AIG1: variants seen among roughly 807,000 people sequenced by gnomAD.
The protein encoded by AIG1 is androgen induced 1.
AIG1 carries 23 observed loss-of-function variants against 31.4 expected under a neutral mutation model. The ratio of observed to expected loss-of-function variants is 0.73; its 90% CI spans 0.53 to 1.04. The LOEUF is 1.04. AIG1 is among the 50% of genes least tolerant of loss of function. The pLI is 0.00. For synonymous variants in AIG1, 100 were observed against 110.5 expected (o/e 0.90, Z 0.60); for missense variants, 274 against 295.0 (o/e 0.93, Z 0.52).
chr6:143,274,412 A>G (rs1373655520), intron 3 of AIG1, among the ~76,000 whole-genome samples: 1 of 152,230 alleles, frequency 6.6e-6, no homozygotes, highest in Non-Finnish European at 1.5e-5. Flanking sequence ...TGAGAATTAA[A>G]TGAGTTTTAT....
At chr6:143,141,503 A>C (rs1231787843) in intron 2 of AIG1, among the ~76,000 whole-genome samples, 1 of 152,240 alleles carries the variant, frequency 6.6e-6, no homozygotes, top group Non-Finnish European at 1.5e-5. Flanking sequence ...TTATTTCAGC[A>C]TAACCTAGAA....
At chr6:143,159,321 T>C (rs1384403110) in intron 2 of AIG1, among the ~76,000 whole-genome samples, 4 of 152,208 alleles carry the variant, frequency 2.6e-5, no homozygotes, top group Non-Finnish European at 5.9e-5. Flanking sequence ...TAGGCATTTG[T>C]AGGAGCTGGG....
intron 3 of AIG1, among the ~76,000 whole-genome samples, chr6:143,167,822 T>C (rs1021667294): frequency 6.6e-5 from 10 of 152,226 alleles, no homozygotes; most frequent in Non-Finnish European, 1.3e-4. Context: ...TCTTTCACAA[T>C]GAATTTTGTG....
At chr6:143,178,224 T>A (rs1359879256) in intron 3 of AIG1, among the ~76,000 whole-genome samples, 1 of 152,172 alleles carries the variant, frequency 6.6e-6, no homozygotes, top group Non-Finnish European at 1.5e-5. Flanking sequence ...ACAGCTGCTA[T>A]CATGACTCTG....
chr6:143,334,337 C>T lies in AIG1; in HGVS notation c.679+892C>T, dbSNP rs934551543. Among the ~76,000 whole-genome samples, 2 of 152,338 alleles carry T rather than the reference C, an allele frequency of 1.3e-5. No individual in the cohort carries two copies. The highest frequency in any genetic ancestry group is 6.5e-5 in the Admixed American group (1 of 15,300). ...TGTGACACAGACATTGAGCACCCTG[C>T]TTTGTGCCAGACACCCTGCCAGGAG... On this transcript the variant is annotated intron_variant, in intron 5 of 5. Coordinates refer to ENST00000357847, the MANE Select transcript of AIG1 (RefSeq NM_016108.4). This position sits in a 1 kb window ranked among gnomAD's most constrained non-coding sequence, Gnocchi z 5.1.
intron 3 of AIG1, among the ~76,000 whole-genome samples, chr6:143,229,790 A>AC (rs1793305144): frequency 6.6e-6 from 1 of 151,038 alleles, no homozygotes; most frequent in African/African-American, 2.4e-5. Context: ...AGAACAAAAA[A>AC]AAAAAAAAAA....
At chr6:143,138,969 C>A (rs1784017258) in intron 2 of AIG1, among the ~76,000 whole-genome samples, 2 of 150,902 alleles carry the variant, frequency 1.3e-5, no homozygotes, top group South Asian at 4.2e-4. Context: ...TATGTGATAT[C>A]AAATTATGTC....
intron 3 of AIG1, among the ~76,000 whole-genome samples, chr6:143,269,680 A>C (rs1426117572): frequency 3.3e-5 from 5 of 152,250 alleles, no homozygotes; most frequent in African/African-American, 1.2e-4. Context: ...ATACAGATGA[A>C]TATCACAAAT....
At chr6:143,114,016 C>T (rs1170221157) in intron 1 of AIG1, among the ~76,000 whole-genome samples, 8 of 152,108 alleles carry the variant, frequency 5.3e-5, no homozygotes, top group South Asian at 2.1e-4. Flanking sequence ...CCTCGTGATC[C>T]GCCTGCCTCG....
At chr6:143,278,541 T>C (rs1320779850) in intron 3 of AIG1, among the ~76,000 whole-genome samples, 3 of 151,410 alleles carry the variant, frequency 2.0e-5, no homozygotes, top group African/African-American at 7.3e-5. Context: ...TGATCTCGGC[T>C]CACTGCAACC....
chr6:143,255,327 C>T (rs185218064), intron 3 of AIG1, among the ~76,000 whole-genome samples: 69 of 152,312 alleles, frequency 4.5e-4, no homozygotes, highest in African/African-American at 1.4e-3. Flanking sequence ...TGTTTTCCCA[C>T]GTATCTGGAG....
chr6:143,082,987 A>G (rs1180226879), intron 1 of AIG1, among the ~76,000 whole-genome samples: 1 of 152,186 alleles, frequency 6.6e-6, no homozygotes, highest in African/African-American at 2.4e-5. Context: ...CTATTTTGCC[A>G]TACCTGTTAA....
rs1004114843 is a variant in AIG1, at chr6:143,338,883, G to T, written c.680-756G>T. ...TTGGTATGATTCAAAAAATGTTTAG[G>T]TACAAGAAAAAGAAAAAAGCAAGAA... is the stretch of plus-strand genomic sequence containing the variant. On this transcript the variant is annotated intron_variant, in intron 5 of 5. Transcript: ENST00000357847. The surrounding 1 kb of genome is among the most constrained non-coding windows in gnomAD (Gnocchi z 4.3). 7 of 151,994 alleles carry T rather than the reference G, an allele frequency of 4.6e-5. No homozygotes were observed. Among genetic ancestry groups the T allele is most frequent in the African/African-American group, 1.7e-4 (7 of 41,360 alleles). 9.4% of individuals were successfully genotyped at this position (151,994 alleles called of 1,614,324 possible).
chr6:143,276,622 A>G (rs1342951261), intron 3 of AIG1, among the ~76,000 whole-genome samples: 1 of 151,856 alleles, frequency 6.6e-6, no homozygotes, highest in Non-Finnish European at 1.5e-5. Context: ...AGGGAGACCC[A>G]TGACAAGAGG....
chr6:143,297,985 A>T lies in AIG1; in HGVS notation c.515+13760A>T, dbSNP rs1798554954. Among the ~76,000 whole-genome samples the T allele has an allele frequency of 6.6e-6, 1 of 152,166 alleles. No homozygotes were observed. ...ACGTACAAAACTCTTACATAAATTA[A>T]AATGATGCATAAATTTACAGGTAAA... On this transcript the variant is annotated intron_variant, in intron 4 of 5. Transcript: ENST00000357847. The surrounding 1 kb of genome is among the most constrained non-coding windows in gnomAD (Gnocchi z 5.1).
At chr6:143,118,973 A>T (rs1781996260) in intron 1 of AIG1, among the ~76,000 whole-genome samples, 1 of 151,416 alleles carries the variant, frequency 6.6e-6, no homozygotes, top group Non-Finnish European at 1.5e-5. Flanking sequence ...TCCTGGGCTC[A>T]ATTGATCCTC....
intron 2 of AIG1, among the ~76,000 whole-genome samples, chr6:143,154,311 T>C (rs374201199): frequency 2.6e-5 from 4 of 152,184 alleles, no homozygotes; most frequent in Non-Finnish European, 5.9e-5. Context: ...CCATACATTG[T>C]TAAGACTAAA....
At chr6:143,146,551 TTCTC>T (rs1407559376) in intron 2 of AIG1, among the ~76,000 whole-genome samples, 5 of 150,836 alleles carry the variant, frequency 3.3e-5, no homozygotes, top group African/African-American at 1.2e-4. Context: ...TCTTCTCTCT[TTCTC>T]TCTCTACCTT....
chr6:143,332,511 A>T (rs1289851871), intron 4 of AIG1, among the ~76,000 whole-genome samples: 1 of 152,236 alleles, frequency 6.6e-6, no homozygotes, highest in Non-Finnish European at 1.5e-5. Flanking sequence ...AATAGGAAAA[A>T]AAATGAAATC....
Sources: gnomAD v4.1 joint callset for allele counts (sites outside exome capture counted in the v4.1 genomes callset) on GRCh38, gnomAD v4.1.1 for gene constraint, Gnocchi (gnomAD v3.1) non-coding constraint, MANE v1.5 for transcripts, NCBI Gene and HGNC (gene_info 2026-07-23, HGNC 2026-07-21) for gene names.